Variants in CLASP1 observed in about 807,000 individuals in gnomAD.
The protein encoded by CLASP1 is CLIP-associating protein 1.
In CLASP1, 38 loss-of-function variants were observed where a neutral mutation model predicts 192.3. That is an observed-to-expected ratio of 0.20 (90% CI 0.15 to 0.26). The LOEUF (loss-of-function observed/expected upper bound fraction) is 0.26. CLASP1 is among the 10% of genes least tolerant of loss of function. The probability of loss-of-function intolerance (pLI) is 1.00; values close to 1 mark genes in which losing one functional copy is unlikely to be tolerated. For missense variants in CLASP1, 1,433 were observed against 1,932.5 expected (o/e 0.74, Z 4.85); for synonymous variants, 691 against 712.8 (o/e 0.97, Z 0.49).
chr2:121,508,218 T>A (rs1221795665), intron 7 of CLASP1, among the ~76,000 whole-genome samples: 4 of 151,464 alleles, frequency 2.6e-5, no homozygotes, highest in Non-Finnish European at 1.5e-5. Flanking sequence ...AAGATGTAAT[T>A]TGCATGACAA....
chr2:121,548,021 C>T (rs13405356), intron 2 of CLASP1, among the ~76,000 whole-genome samples: 37,945 of 152,062 alleles, frequency 0.25, 7,521 homozygotes, highest in African/African-American at 0.55. Flanking sequence ...TCATATGTCT[C>T]CCAACAACCA....
rs569073145 is a variant in CLASP1 at position 121,357,163 on chromosome 2, C to G, written c.4206+6009G>C. 2.6e-5 allele frequency among the ~76,000 whole-genome samples: 4 copies of G among 152,190 alleles called. No homozygotes were observed. In the South Asian group the frequency reaches 8.3e-4, roughly 32 times the overall value. ...AAAGCAGTAGTCAAAAAATACAAGT[C>G]GTATTTTTGACTGGTGTTTTAGAGT... is the stretch of plus-strand genomic sequence containing the variant. On this transcript the variant is annotated intron_variant, in intron 37 of 39. Coordinates refer to ENST00000263710, the Ensembl canonical transcript of CLASP1.
intron 2 of CLASP1, among the ~76,000 whole-genome samples, chr2:121,601,407 G>A (rs1325009792): frequency 2.0e-5 from 3 of 149,752 alleles, no homozygotes; most frequent in Non-Finnish European, 2.9e-5. Flanking sequence ...CAAGTAGCTG[G>A]GATTACAGGG....
chr2:121,512,244 C>T (rs1386195636), intron 7 of CLASP1, among the ~76,000 whole-genome samples: 1 of 152,158 alleles, frequency 6.6e-6, no homozygotes, highest in East Asian at 1.9e-4. Flanking sequence ...TTTCCCAACA[C>T]TCTGCAAACT....
intron 8 of CLASP1, among the ~76,000 whole-genome samples, chr2:121,481,149 AAACCAT>A (rs1186439359): frequency 6.6e-6 from 1 of 152,238 alleles, no homozygotes; most frequent in Admixed American, 6.5e-5. Flanking sequence ...AAAGACAGGA[AAACCAT>A]AAGTATGGGA....
intron 38 of CLASP1, among the ~76,000 whole-genome samples, chr2:121,348,026 G>C (rs2063688796): frequency 6.8e-6 from 1 of 146,948 alleles, no homozygotes; most frequent in South Asian, 2.1e-4. Context: ...TGTGGCTGCA[G>C]AGTAGGCTGA....
At chr2:121,601,961 G>A (rs1042172711) in intron 2 of CLASP1, among the ~76,000 whole-genome samples, 1 of 152,084 alleles carries the variant, frequency 6.6e-6, no homozygotes, top group Non-Finnish European at 1.5e-5. Flanking sequence ...GATCACCTGA[G>A]GTCACGAGTT....
intron 24 of CLASP1, among the ~76,000 whole-genome samples, chr2:121,408,268 T>C (rs1033506813): frequency 2.0e-5 from 3 of 152,186 alleles, no homozygotes; most frequent in African/African-American, 4.8e-5. Flanking sequence ...GAATTTGAAA[T>C]GTCAATGGCA....
intron 33 of CLASP1, among the ~76,000 whole-genome samples, chr2:121,381,042 G>C (rs1200088285): frequency 6.6e-6 from 1 of 152,040 alleles, no homozygotes; most frequent in Admixed American, 6.6e-5. Flanking sequence ...AAAAAGGAGT[G>C]ACCTGCTTTG....
intron 1 of CLASP1, among the ~76,000 whole-genome samples, chr2:121,607,322 G>A (rs183034218): frequency 2.6e-5 from 4 of 152,330 alleles, no homozygotes; most frequent in Non-Finnish European, 5.9e-5. Context: ...CTGGGTGACA[G>A]AGCTGGACTC....
intron 2 of CLASP1, among the ~76,000 whole-genome samples, chr2:121,594,542 G>A (rs554025071): frequency 6.6e-6 from 1 of 150,388 alleles, no homozygotes; most frequent in Non-Finnish European, 1.5e-5. Context: ...ACAGGCACCC[G>A]ATACCACGCC....
intron 9 of CLASP1, among the ~76,000 whole-genome samples, chr2:121,465,261 C>T (rs1216385218): frequency 1.3e-5 from 2 of 152,266 alleles, no homozygotes; most frequent in African/African-American, 4.8e-5. Context: ...GATTGTATAT[C>T]TAGAAAACCC....
At chr2:121,514,037 G>A (rs1280296172) in intron 7 of CLASP1, among the ~76,000 whole-genome samples, 1 of 152,222 alleles carries the variant, frequency 6.6e-6, no homozygotes, top group Non-Finnish European at 1.5e-5. Context: ...ACACCAGCAT[G>A]GGGCCAGGCC....
intron 6 of CLASP1, among the ~76,000 whole-genome samples, chr2:121,522,815 C>T (rs1258842698): frequency 6.6e-6 from 1 of 152,190 alleles, no homozygotes; most frequent in African/African-American, 2.4e-5. Flanking sequence ...GACACTAAGG[C>T]TATCCTGCAA....
At chr2:121,566,576 AACAG>A (rs2059522535) in intron 2 of CLASP1, among the ~76,000 whole-genome samples, 1 of 152,226 alleles carries the variant, frequency 6.6e-6, no homozygotes, top group Admixed American at 6.5e-5. Context: ...AAAGCTCCAA[AACAG>A]TAAGCATTGT....
chr2:121,604,743 G>A (rs1364502581), intron 2 of CLASP1, among the ~76,000 whole-genome samples: 1 of 152,152 alleles, frequency 6.6e-6, no homozygotes, highest in Non-Finnish European at 1.5e-5. Flanking sequence ...AATAGGTAAC[G>A]TATTTAGAAA....
At chr2:121,403,990 T>C (rs1195869917) in intron 26 of CLASP1, among the ~76,000 whole-genome samples, 1 of 152,206 alleles carries the variant, frequency 6.6e-6, no homozygotes, top group African/African-American at 2.4e-5. Flanking sequence ...ACAAAAATAA[T>C]TATATACTTA....
At chr2:121,455,921 G>A (rs1048292697) in intron 14 of CLASP1, among the ~76,000 whole-genome samples, 1 of 152,108 alleles carries the variant, frequency 6.6e-6, no homozygotes, top group South Asian at 2.1e-4. Flanking sequence ...CTCAGAAGCT[G>A]GGGGTTGGGA....
At chr2:121,455,129 T>C (rs563736672) in intron 14 of CLASP1, among the ~76,000 whole-genome samples, 2 of 152,262 alleles carry the variant, frequency 1.3e-5, no homozygotes, top group African/African-American at 4.8e-5. Flanking sequence ...AGGTCAAGGG[T>C]AGATTGCATT....
Sources: allele counts gnomAD v4.1 joint callset (sites outside exome capture counted in the v4.1 genomes callset), GRCh38; gene constraint gnomAD v4.1.1; transcripts MANE v1.5; gene names NCBI Gene and HGNC (gene_info 2026-07-23, HGNC 2026-07-21).